LRRC7: variants seen among roughly 807,000 people sequenced by gnomAD.
LRRC7 encodes the protein leucine rich repeat containing 7.
In LRRC7, 23 loss-of-function variants were observed where a neutral mutation model predicts 175.7. The ratio of observed to expected loss-of-function variants is 0.13; its 90% CI spans 0.09 to 0.19. LRRC7 has a LOEUF of 0.19. Among genes scored for constraint, LRRC7 ranks in the 10% least tolerant of loss-of-function variants. LRRC7 has a pLI of 1.00. For missense variants in LRRC7, 1,354 were observed against 1,904.7 expected, an observed-to-expected ratio of 0.71 and a Z score of 5.38; for synonymous variants, 685 against 680.9, an observed-to-expected ratio of 1.01 and a Z score of -0.09.
At chr1:69,718,496 G>A (rs1665992977) in intron 2 of LRRC7, among the ~76,000 whole-genome samples, 1 of 151,786 alleles carries the variant, frequency 6.6e-6, no homozygotes, top group Non-Finnish European at 1.5e-5. Context: ...CAAAATGGGG[G>A]ATGATCACAG....
intron 7 of LRRC7, among the ~76,000 whole-genome samples, chr1:69,901,177 G>A (rs1332739603): frequency 6.6e-6 from 1 of 152,186 alleles, no homozygotes; most frequent in Non-Finnish European, 1.5e-5. Flanking sequence ...TGAAGAGGCT[G>A]TTACAAATGC....
At chr1:69,700,889 C>T (rs531082071) in intron 2 of LRRC7, among the ~76,000 whole-genome samples, 103 of 152,258 alleles carry the variant, frequency 6.8e-4, no homozygotes, top group African/African-American at 2.4e-3. Flanking sequence ...TATATCAAGG[C>T]CATTCCAGAA....
intron 26 of LRRC7, among the ~76,000 whole-genome samples, chr1:70,113,954 C>A (rs181268049): frequency 6.6e-6 from 1 of 151,948 alleles, no homozygotes; most frequent in East Asian, 1.9e-4. Flanking sequence ...ACTAACTGGG[C>A]CATGTATGTG....
chr1:69,858,419 C>T (rs1295346166), intron 7 of LRRC7, among the ~76,000 whole-genome samples: 2 of 151,702 alleles, frequency 1.3e-5, no homozygotes, highest in South Asian at 2.1e-4. Context: ...TTACAACCTG[C>T]ACATTGTGCA....
At chr1:69,706,575 T>A (rs1664065128) in intron 2 of LRRC7, among the ~76,000 whole-genome samples, 2 of 152,180 alleles carry the variant, frequency 1.3e-5, no homozygotes, top group African/African-American at 4.8e-5. Context: ...TATAATGTAT[T>A]TGTGTACTGT....
chr1:69,954,566 C>T (rs1182215507), intron 8 of LRRC7, among the ~76,000 whole-genome samples: 1 of 151,918 alleles, frequency 6.6e-6, no homozygotes, highest in African/African-American at 2.4e-5. Context: ...TAGACCAAAG[C>T]ATATGTTATA....
chr1:69,699,972 G>A lies in LRRC7; in HGVS notation c.100+21494G>A, dbSNP rs116550174. On this transcript the variant is annotated intron_variant, in intron 2 of 26. Transcript: ENST00000651989. ...TTTCTCACTAAACTGAAGTAGTAGA[G>A]GGTAGCATCATTGACTTCACCCCTG... 5.3e-3 allele frequency among the ~76,000 whole-genome samples: 810 copies of A among 152,318 alleles called. 5 individuals carry two copies. The highest frequency in any genetic ancestry group is 0.019 in the African/African-American group (773 of 41,568).
At chr1:69,726,786 AG>A (rs1156487976) in intron 2 of LRRC7, among the ~76,000 whole-genome samples, 11 of 152,136 alleles carry the variant, frequency 7.2e-5, no homozygotes, top group African/African-American at 2.7e-4. Flanking sequence ...GAAAAAAAAA[AG>A]AATACCAAGG....
rs1056781165 is a variant in LRRC7 at position 69,655,280 on chromosome 1, T to C, written c.3-23101T>C. 3.9e-5 allele frequency among the ~76,000 whole-genome samples: 6 copies of C among 152,100 alleles called. No homozygotes were observed. The East Asian group carries it at 9.6e-4, about 24-fold the overall frequency. On this transcript the variant is annotated intron_variant, in intron 1 of 26. Transcript: ENST00000651989. ...CTGTCCCAAACCAACCTGTGTTTTA[T>C]TTTTTCTGTAATTATCTCTACTACC...
chr1:69,799,840 T>C (rs78904702), intron 4 of LRRC7, among the ~76,000 whole-genome samples: 16,113 of 152,120 alleles, frequency 0.11, 1,157 homozygotes, highest in Middle Eastern at 0.21. Context: ...CCAGACGTGT[T>C]TTCTCTGGAT....
chr1:69,699,507 T>A (rs570922853), intron 2 of LRRC7, among the ~76,000 whole-genome samples: 23 of 151,366 alleles, frequency 1.5e-4, no homozygotes, highest in Admixed American at 6.8e-4. Flanking sequence ...GCCACTGTAC[T>A]CCACCTGGCG....
At chr1:70,021,728 T>C (rs1216611165) in intron 16 of LRRC7, among the ~76,000 whole-genome samples, 11 of 152,158 alleles carry the variant, frequency 7.2e-5, no homozygotes, top group Non-Finnish European at 1.5e-4. Context: ...TTAAAAGATC[T>C]TTTATAGGGA....
intron 7 of LRRC7, among the ~76,000 whole-genome samples, chr1:69,900,053 ATATTAT>A (rs1034876161): frequency 2.5e-4 from 38 of 152,212 alleles, no homozygotes; most frequent in African/African-American, 8.2e-4. Context: ...ATATAATAAA[ATATTAT>A]TATTTTGTCT....
intron 1 of LRRC7, among the ~76,000 whole-genome samples, chr1:69,584,228 C>T (rs1646315650): frequency 1.3e-5 from 2 of 152,068 alleles, no homozygotes; most frequent in Admixed American, 6.6e-5. Flanking sequence ...ATTTATTTCT[C>T]TGTTATCCCA....
Position 70,125,791 on chromosome 1 carries a change from CAAAAAAAAAA to C in LRRC7, c.*3916_*3925del, listed in dbSNP as rs577047180. ...TGGGCGACAGAGCGAGACTCCGTCTCAAAAAAAAAAAAAAAAAAAAAGAGAAGATTCAGAG... is the reference window on the plus strand; with the variant it reads ...TGGGCGACAGAGCGAGACTCCGTCTCAAAAAAAAAAAGAGAAGATTCAGAG... On this transcript the variant is annotated 3_prime_UTR_variant, in exon 27 of 27. Transcript: ENST00000651989. 6.9e-5 allele frequency among the ~76,000 whole-genome samples: 6 copies of C among 87,232 alleles called. No homozygotes were observed. In the Admixed American group the frequency reaches 7.3e-4, roughly 11 times the overall value. 57.2% of individuals were successfully genotyped at this position (87,232 alleles called of 152,430 possible).
At chr1:70,057,183 A>G (rs893920669) in intron 23 of LRRC7, among the ~76,000 whole-genome samples, 2 of 152,224 alleles carry the variant, frequency 1.3e-5, no homozygotes, top group Non-Finnish European at 2.9e-5. Flanking sequence ...ATAAATAGAT[A>G]TGTCCACCTA....
chr1:69,663,096 T>C (rs1657723531), intron 1 of LRRC7, among the ~76,000 whole-genome samples: 1 of 152,122 alleles, frequency 6.6e-6, no homozygotes, highest in South Asian at 2.1e-4. Context: ...AAGATAGAAA[T>C]CTTATTTCTT....
intron 7 of LRRC7, among the ~76,000 whole-genome samples, chr1:69,927,078 G>T (rs1647100844): frequency 6.6e-6 from 1 of 152,112 alleles, no homozygotes; most frequent in African/African-American, 2.4e-5. Context: ...GATTAGTTTG[G>T]CTGGATATGA....
At chr1:69,690,683 C>G (rs1661748037) in intron 2 of LRRC7, among the ~76,000 whole-genome samples, 1 of 152,130 alleles carries the variant, frequency 6.6e-6, no homozygotes, top group Admixed American at 6.6e-5. Flanking sequence ...CAATAACACA[C>G]CAGATACACT....
Sources: allele counts gnomAD v4.1 joint callset (sites outside exome capture counted in the v4.1 genomes callset), GRCh38; gene constraint gnomAD v4.1.1; transcripts MANE v1.5; gene names NCBI Gene and HGNC (gene_info 2026-07-23, HGNC 2026-07-21).